The following PCDH7 variants were observed in gnomAD, a reference collection of about 807,000 sequenced individuals.
PCDH7 encodes protocadherin-7.
Under a neutral mutation model 58.9 loss-of-function variants are expected in PCDH7, and 17 were observed. The observed-to-expected ratio is 0.29, with a 90% confidence interval of 0.20 to 0.43. PCDH7 has a LOEUF of 0.43. Ranked by LOEUF, PCDH7 falls within the 20% of genes least tolerant of loss-of-function variation. PCDH7 has a pLI of 1.00. For synonymous variants in PCDH7, 664 were observed against 616.4 expected (o/e 1.08, Z -1.14); for missense variants, 1,274 against 1,441.0 (o/e 0.88, Z 1.88).
At chr4:31,083,537 T>TA (rs531668495) in intron 3 of PCDH7, among the ~76,000 whole-genome samples, 19 of 152,082 alleles carry the variant, frequency 1.2e-4, no homozygotes, top group Middle Eastern at 6.8e-3. Flanking sequence ...TCTTAAAAAG[T>TA]AAAAAAAACT....
intron 2 of PCDH7, among the ~76,000 whole-genome samples, chr4:30,932,385 T>C (rs1459520927): frequency 6.6e-6 from 1 of 152,212 alleles, no homozygotes; most frequent in Non-Finnish European, 1.5e-5. Context: ...TCACTTTTAA[T>C]GTTGTTTTTA....
chr4:31,142,647 T>G, exon 4 of PCDH7: 1 of 1,367,744 alleles, frequency 7.3e-7, no homozygotes. Context: ...CAGGAAAAGC[T>G]GGCCAATGGG....
At chr4:30,971,167 G>T (rs1018809801) in intron 3 of PCDH7, among the ~76,000 whole-genome samples, 1 of 152,206 alleles carries the variant, frequency 6.6e-6, no homozygotes, top group Non-Finnish European at 1.5e-5. Flanking sequence ...AGCTCTTAAA[G>T]AAATTGTACT....
chr4:30,900,563 CTCT>C (rs151137582), intron 1 of PCDH7, among the ~76,000 whole-genome samples: 13 of 152,322 alleles, frequency 8.5e-5, no homozygotes, highest in African/African-American at 3.1e-4. Context: ...TACATCAATA[CTCT>C]TCTTATCATC....
At chr4:30,765,653 A>T (rs1192569537) in intron 1 of PCDH7, among the ~76,000 whole-genome samples, 1 of 152,206 alleles carries the variant, frequency 6.6e-6, no homozygotes, top group Non-Finnish European at 1.5e-5. Flanking sequence ...TCAGTGTCTA[A>T]TTGTAAATCC....
At chr4:31,116,759 G>A (rs536722303) in intron 3 of PCDH7, among the ~76,000 whole-genome samples, 1 of 152,302 alleles carries the variant, frequency 6.6e-6, no homozygotes, top group South Asian at 2.1e-4. Context: ...AAGTGTGTAT[G>A]TAGCACTATA....
At chr4:30,777,198 GA>G (rs904183859) in intron 1 of PCDH7, among the ~76,000 whole-genome samples, 51 of 152,270 alleles carry the variant, frequency 3.3e-4, no homozygotes, top group Middle Eastern at 6.8e-3. Context: ...CCTTCTTTGT[GA>G]AATGTGGTCA....
intron 3 of PCDH7, among the ~76,000 whole-genome samples, chr4:31,052,710 A>AC (rs1164266028): frequency 2.0e-5 from 3 of 152,160 alleles, no homozygotes; most frequent in Non-Finnish European, 4.4e-5. Flanking sequence ...TTTCTGACAC[A>AC]CAGCAAGCTT....
intron 2 of PCDH7, among the ~76,000 whole-genome samples, chr4:30,945,120 G>C (rs1181343285): frequency 2.6e-5 from 4 of 151,872 alleles, no homozygotes; most frequent in African/African-American, 9.7e-5. Flanking sequence ...AAAGAAGCAT[G>C]TCATATTAAA....
At chr4:30,961,449 G>T (rs1212973372) in intron 3 of PCDH7, among the ~76,000 whole-genome samples, 1 of 151,936 alleles carries the variant, frequency 6.6e-6, no homozygotes, top group Non-Finnish European at 1.5e-5. Flanking sequence ...CTACTGGGGA[G>T]GCTAAGGCAG....
intron 3 of PCDH7, among the ~76,000 whole-genome samples, chr4:31,056,513 GAAAGGGGAA>G (rs1329724177): frequency 9.8e-6 from 1 of 102,054 alleles, no homozygotes; most frequent in Non-Finnish European, 2.0e-5. Context: ...AAGAAAGAAA[GAAAGGGGAA>G]GGGAAGGGAA....
Position 30,722,810 on chromosome 4 carries a change from T to G in PCDH7, c.1388T>G (p.Val463Gly), listed in dbSNP as rs755128575. 6.2e-7 allele frequency: 1 copy of G among 1,613,576 alleles called. No homozygotes were observed. ...AACGGGGTGGTCACCTGCACCGTGGTGGGCGACGTGCCCTTCCAGCTCAAG... is the reference window on the plus strand; with the variant it reads ...AACGGGGTGGTCACCTGCACCGTGGGGGGCGACGTGCCCTTCCAGCTCAAG... Residue 463 changes from valine (V) to glycine (G), a missense_variant, in exon 1 of 2, where the codon GTG (valine) becomes GGG (glycine). Physicochemically the swap from Val to Gly is moderately radical, Grantham distance 109. Around this residue, in one of 3 missense-constraint regions of PCDH7, gnomAD observed 731 missense variants for 881.9 expected, o/e 0.83. Transcript: ENST00000361762. This position sits in a 1 kb window ranked among gnomAD's most constrained non-coding sequence, Gnocchi z 7.6.
intron 3 of PCDH7, among the ~76,000 whole-genome samples, chr4:30,962,776 TAAAAAAAA>T (rs57257786): frequency 1.4e-5 from 1 of 70,610 alleles, no homozygotes; most frequent in East Asian, 4.5e-4. Context: ...GACCCAGTCT[TAAAAAAAA>T]AAAAAAAAAA....
chr4:31,137,473 A>T (rs1323853304), intron 3 of PCDH7, among the ~76,000 whole-genome samples: 1 of 152,140 alleles, frequency 6.6e-6, no homozygotes, highest in Non-Finnish European at 1.5e-5. Flanking sequence ...AGTGCCAGCT[A>T]CTCAGGAGGC....
chr4:30,982,850 G>A (rs1319014290), intron 3 of PCDH7, among the ~76,000 whole-genome samples: 2 of 152,200 alleles, frequency 1.3e-5, no homozygotes, highest in Non-Finnish European at 2.9e-5. Context: ...CCTAGAGAGA[G>A]TACTGCAGAG....
At chr4:31,064,672 G>C (rs377172613) in intron 3 of PCDH7, among the ~76,000 whole-genome samples, 5 of 152,004 alleles carry the variant, frequency 3.3e-5, no homozygotes, top group African/African-American at 1.2e-4. Flanking sequence ...TGTTCACCCT[G>C]TGTTTCTGTC....
chr4:30,879,059 T>C (rs1054632393), intron 1 of PCDH7, among the ~76,000 whole-genome samples: 1 of 152,042 alleles, frequency 6.6e-6, no homozygotes, highest in Admixed American at 6.6e-5. Context: ...ATAAGATCAT[T>C]AAGAAGTGAA....
intron 1 of PCDH7, among the ~76,000 whole-genome samples, chr4:30,877,380 T>C (rs1174800510): frequency 1.3e-5 from 2 of 152,090 alleles, no homozygotes; most frequent in East Asian, 3.9e-4. Context: ...AAAAAGGAAA[T>C]TACTCTGGCA....
rs530797886 is a variant in PCDH7 at position 30,900,033 on chromosome 4, A to G, written c.71-20120A>G. 4.6e-5 allele frequency among the ~76,000 whole-genome samples: 7 copies of G among 152,322 alleles called. No individual in the cohort carries two copies. In the South Asian group the frequency reaches 1.0e-3, roughly 23 times the overall value. On this transcript the variant is annotated intron_variant, in intron 1 of 3. Coordinates refer to the PCDH7 transcript ENST00000509759. ...ATCATCTGTTTGTTTTCCTAAAACC[A>G]TATCGTCTGATGTTTGGCTAAAGGA...
Sources: gnomAD v4.1 joint callset for allele counts (sites outside exome capture counted in the v4.1 genomes callset) on GRCh38, gnomAD v4.1.1 for gene constraint, gnomAD v4.1.1 regional missense constraint, Gnocchi (gnomAD v3.1) non-coding constraint, MANE v1.5 for transcripts, NCBI Gene and HGNC (gene_info 2026-07-23, HGNC 2026-07-21) for gene names.